BTBD1: variants seen among roughly 807,000 people sequenced by gnomAD.
BTBD1 encodes the protein BTB domain containing 1.
Under a neutral mutation model 48.0 loss-of-function variants are expected in BTBD1, and 34 were observed. That is an observed-to-expected ratio of 0.71 (90% CI 0.54 to 0.94). The LOEUF (loss-of-function observed/expected upper bound fraction) is 0.94. Among genes scored for constraint, BTBD1 ranks in the 40% least tolerant of loss-of-function variants. BTBD1 has a pLI of 0.00. For synonymous variants in BTBD1, 261 were observed against 242.1 expected (o/e 1.08, Z -0.72); for missense variants, 543 against 625.6 (o/e 0.87, Z 1.41).
chr15:83,018,957 C>T (rs2032228933), intron 6 of BTBD1, 104 bp from the exon 7 acceptor site: 2 of 316,596 alleles, frequency 6.3e-6, no homozygotes, highest in Non-Finnish European at 9.5e-6. Flanking sequence ...TGTTTTGAGA[C>T]AGACTCTCAC....
At chr15:83,063,371 T>C (rs2033206175) in intron 1 of BTBD1, among the ~76,000 whole-genome samples, 1 of 152,196 alleles carries the variant, frequency 6.6e-6, no homozygotes, top group African/African-American at 2.4e-5. Flanking sequence ...CTGTCTACTC[T>C]ATGACACTAC....
At chr15:83,022,036 C>T (rs2032309948) in intron 5 of BTBD1, among the ~76,000 whole-genome samples, 5 of 151,894 alleles carry the variant, frequency 3.3e-5, no homozygotes, top group South Asian at 4.2e-4. Context: ...TCACCTTAAA[C>T]GCTTACAAAC....
intron 5 of BTBD1, among the ~76,000 whole-genome samples, chr15:83,024,840 G>A (rs1215394778): frequency 6.6e-6 from 1 of 152,094 alleles, no homozygotes; most frequent in Non-Finnish European, 1.5e-5. Context: ...GGGCTCAAGT[G>A]AGCCACCCAC....
At position 83,042,350 on chromosome 15, in the gene BTBD1, A is replaced by T. The variant is rs60264556; in HGVS notation, c.665-425T>A. 6.6e-3 allele frequency among the ~76,000 whole-genome samples: 478 copies of T among 72,500 alleles called. 11 individuals are homozygous for T. Among genetic ancestry groups the T allele is most frequent in the African/African-American group, 0.025 (395 of 15,662 alleles). 47.6% of individuals were successfully genotyped at this position (72,500 alleles called of 152,430 possible). ...GTGCCAGGTACTATTAGGCAATTTT[A>T]TATATATATATATATATATATATAT... On this transcript the variant is annotated intron_variant, in intron 3 of 7. Coordinates refer to ENST00000261721, the MANE Select transcript of BTBD1 (RefSeq NM_025238.4).
chr15:83,018,627 T>G (rs2032218855), intron 7 of BTBD1, 80 bp downstream of exon 7: 1 of 1,488,352 alleles, frequency 6.7e-7, no homozygotes, highest in Non-Finnish European at 9.1e-7. Context: ...GGCTCAGCTG[T>G]CAGTGACTCT....
At chr15:83,044,500 T>C in intron 3 of BTBD1, 1 of 1,579,944 alleles carries the variant, frequency 6.3e-7, no homozygotes, top group East Asian at 2.2e-5. Flanking sequence ...GATTGTATCA[T>C]CACTTGTGAT....
At chr15:83,032,982 A>AAAAC (rs2032552559) in intron 4 of BTBD1, among the ~76,000 whole-genome samples, 1 of 151,470 alleles carries the variant, frequency 6.6e-6, no homozygotes, top group Non-Finnish European at 1.5e-5. Flanking sequence ...AAAAAAAAAA[A>AAAAC]AAAAAACAGA....
chr15:83,063,129 T>G (rs2033202402), intron 1 of BTBD1, among the ~76,000 whole-genome samples: 1 of 152,156 alleles, frequency 6.6e-6, no homozygotes, highest in Non-Finnish European at 1.5e-5. Flanking sequence ...AATATAATGC[T>G]CCTTCTTTCT....
chr15:83,063,160 T>C (rs1344553060), intron 1 of BTBD1, among the ~76,000 whole-genome samples: 4 of 152,238 alleles, frequency 2.6e-5, no homozygotes, highest in Non-Finnish European at 5.9e-5. Context: ...CACTGACAGC[T>C]GCTTCTCAGT....
chr15:83,034,090 C>CAAAAAAAAAAAA (rs748026027), intron 4 of BTBD1, among the ~76,000 whole-genome samples: 6 of 67,058 alleles, frequency 8.9e-5, no homozygotes, highest in South Asian at 5.4e-4. Context: ...CTGTCTACAC[C>CAAAAAAAAAAAA]AAAAAAAAAA....
chr15:83,043,340 G>A (rs534496263), intron 3 of BTBD1, among the ~76,000 whole-genome samples: 2 of 152,254 alleles, frequency 1.3e-5, no homozygotes, highest in Admixed American at 1.3e-4. Context: ...GGAGTGGAGT[G>A]AGCAGGAGGG....
intron 5 of BTBD1, among the ~76,000 whole-genome samples, chr15:83,025,970 C>G (rs1040014069): frequency 6.6e-6 from 1 of 152,014 alleles, no homozygotes; most frequent in Non-Finnish European, 1.5e-5. Flanking sequence ...GGGGTTTCAC[C>G]GTGTTAGCCA....
chr15:83,034,390 G>A (rs1044504394), intron 4 of BTBD1, among the ~76,000 whole-genome samples: 10 of 152,178 alleles, frequency 6.6e-5, no homozygotes, highest in Non-Finnish European at 1.5e-4. Flanking sequence ...GAGGCAAGCT[G>A]ATCATTTGAG....
intron 2 of BTBD1, among the ~76,000 whole-genome samples, chr15:83,051,030 C>CA (rs11423630): frequency 0.16 from 20,259 of 123,908 alleles, 1,561 homozygotes; most frequent in African/African-American, 0.25. Flanking sequence ...CCCTCCCCCA[C>CA]AAAAAAAAAA....
At chr15:83,044,616 A>C (rs952204104) in intron 3 of BTBD1, 1 of 1,580,510 alleles carries the variant, frequency 6.3e-7, no homozygotes, top group Non-Finnish European at 8.7e-7. Flanking sequence ...AAAAACTCAG[A>C]CTGTGTGCAG....
At chr15:83,034,866 T>C (rs921081353) in intron 4 of BTBD1, among the ~76,000 whole-genome samples, 1 of 152,178 alleles carries the variant, frequency 6.6e-6, no homozygotes, top group African/African-American at 2.4e-5. Flanking sequence ...CATAGAAAAT[T>C]TGAAGATCAT....
chr15:83,016,937 A>C lies in BTBD1; in HGVS notation c.*1130T>G, dbSNP rs2032179236. On this transcript the variant is annotated 3_prime_UTR_variant, in exon 8 of 8. Transcript: ENST00000261721. Reference sequence around the variant, plus strand: ...TTGATATACCTTAAACTCCACTTTCATTTTTTATAAGAGAATCACTTTCAA... The same window carrying C: ...TTGATATACCTTAAACTCCACTTTCCTTTTTTATAAGAGAATCACTTTCAA... 6.6e-6 allele frequency: 1 copy of C among 152,314 alleles called. No homozygotes were observed. The highest frequency in any genetic ancestry group is 1.5e-5 in the Non-Finnish European group (1 of 68,020). The allele number at this position is 152,314 out of a possible 1,614,324, so 9.4% of individuals were successfully genotyped here. A position where few individuals can be genotyped will look rare whatever the true frequency, so the allele number is the denominator to read the frequency against.
At chr15:83,025,485 G>A (rs1457415935) in intron 5 of BTBD1, among the ~76,000 whole-genome samples, 1 of 150,502 alleles carries the variant, frequency 6.6e-6, no homozygotes, top group Non-Finnish European at 1.5e-5. Flanking sequence ...CCTTATTAAA[G>A]TCTGATTCTA....
At chr15:83,036,611 C>T (rs1252428720) in intron 4 of BTBD1, among the ~76,000 whole-genome samples, 1 of 152,036 alleles carries the variant, frequency 6.6e-6, no homozygotes, top group Non-Finnish European at 1.5e-5. Flanking sequence ...GTATGTATAC[C>T]AAATCACACG....
Sources: allele counts gnomAD v4.1 joint callset (sites outside exome capture counted in the v4.1 genomes callset), GRCh38; gene constraint gnomAD v4.1.1; transcripts MANE v1.5; gene names NCBI Gene and HGNC (gene_info 2026-07-23, HGNC 2026-07-21).